SCN8A: variants seen among roughly 807,000 people sequenced by gnomAD.
SCN8A encodes sodium voltage-gated channel alpha subunit 8.
Under a neutral mutation model 184.1 loss-of-function variants are expected in SCN8A, and 30 were observed. The ratio of observed to expected loss-of-function variants is 0.16; its 90% CI spans 0.12 to 0.22. SCN8A has a LOEUF of 0.22. Among genes scored for constraint, SCN8A ranks in the 10% least tolerant of loss-of-function variants. The pLI, the probability that SCN8A is intolerant of heterozygous loss-of-function variation, is 1.00. For missense variants in SCN8A, 1,057 were observed against 2,498.9 expected (o/e 0.42, Z 12.30); for synonymous variants, 852 against 907.0 (o/e 0.94, Z 1.09).
intron 12 of SCN8A, among the ~76,000 whole-genome samples, chr12:51,741,210 T>C (rs1336433248): frequency 6.6e-6 from 1 of 152,252 alleles, no homozygotes; most frequent in Non-Finnish European, 1.5e-5. Flanking sequence ...CATTATGTAC[T>C]AGCGATCTCT....
At chr12:51,625,328 T>C (rs1940055667) in intron 1 of SCN8A, among the ~76,000 whole-genome samples, 1 of 152,244 alleles carries the variant, frequency 6.6e-6, no homozygotes, top group African/African-American at 2.4e-5. Flanking sequence ...GATTCACTCA[T>C]ATTGTTGCAA....
intron 12 of SCN8A, among the ~76,000 whole-genome samples, chr12:51,742,971 C>G (rs145498404): frequency 1.7e-3 from 254 of 152,204 alleles, no homozygotes; most frequent in African/African-American, 5.9e-3. Context: ...TTTCTTCTGT[C>G]TGATCAATTC....
intron 2 of SCN8A, among the ~76,000 whole-genome samples, chr12:51,681,544 G>C (rs2138703675): frequency 6.6e-6 from 1 of 152,338 alleles, no homozygotes; most frequent in East Asian, 1.9e-4. Flanking sequence ...GAGAAGCCAA[G>C]ATATGGAAGA....
intron 1 of SCN8A, among the ~76,000 whole-genome samples, chr12:51,626,856 ATTTAT>A (rs1421171094): frequency 2.7e-5 from 4 of 150,746 alleles, no homozygotes; most frequent in Non-Finnish European, 5.9e-5. Flanking sequence ...ATTAGTATTT[ATTTAT>A]TTATTTAGAT....
chr12:51,610,525 G>A (rs1251216949), intron 1 of SCN8A, among the ~76,000 whole-genome samples: 2 of 152,120 alleles, frequency 1.3e-5, no homozygotes, highest in South Asian at 4.1e-4. Flanking sequence ...CTCTTTTAAT[G>A]TGTTTCCAGG....
chr12:51,749,456 A>T (rs1041348208), intron 13 of SCN8A, among the ~76,000 whole-genome samples: 32 of 152,234 alleles, frequency 2.1e-4, no homozygotes, highest in African/African-American at 7.7e-4. Context: ...GAGATAAAAA[A>T]GGGAACGGAA....
intron 26 of SCN8A, among the ~76,000 whole-genome samples, chr12:51,800,990 G>A (rs1938541517): frequency 1.3e-5 from 2 of 152,170 alleles, no homozygotes; most frequent in African/African-American, 4.8e-5. Flanking sequence ...ATTGGTTGAG[G>A]GGGCATGATT....
intron 1 of SCN8A, among the ~76,000 whole-genome samples, chr12:51,651,707 G>C (rs1940718579): frequency 6.6e-6 from 1 of 152,150 alleles, no homozygotes; most frequent in Admixed American, 6.5e-5. Context: ...AGATTTGGGT[G>C]GGGACACAGC....
intron 6 of SCN8A, 49 bp from the exon 7 acceptor site, chr12:51,699,521 T>TG: frequency 6.9e-7 from 1 of 1,451,982 alleles, no homozygotes; most frequent in Non-Finnish European, 9.4e-7. Flanking sequence ...CTTGGGGAGG[T>TG]GGGGAGGGCT....
chr12:51,662,369 TGGAGCTTTAG>T (rs1940941344), intron 1 of SCN8A, among the ~76,000 whole-genome samples: 3 of 152,028 alleles, frequency 2.0e-5, no homozygotes, highest in African/African-American at 4.8e-5. Context: ...CTTTGGGGAG[TGGAGCTTTAG>T]GAAAGGAAGG....
chr12:51,638,827 C>T (rs767274703), intron 1 of SCN8A, among the ~76,000 whole-genome samples: 1 of 151,886 alleles, frequency 6.6e-6, no homozygotes, highest in Non-Finnish European at 1.5e-5. Flanking sequence ...TTGAGGAGTT[C>T]AGGATGTTCA....
In SCN8A at chr12:51,806,883, C is replaced by T. The variant is rs576751405; in HGVS notation, c.5397C>T (p.Ala1799=). 1.2e-6 allele frequency: 2 copies of T among 1,613,600 alleles called. No homozygotes were observed. Among genetic ancestry groups the T allele is most frequent in the African/African-American group, 2.7e-5 (2 of 75,028 alleles). ...YEIWEKFDPD[A]TQFIEYCKLA... ...TCTGGGAGAAGTTCGACCCCGATGC[C>T]ACCCAGTTCATTGAGTACTGTAAGC... The change falls in exon 27 of 27, where the codon GCC becomes GCT. Residue 1799 remains alanine (A), a synonymous_variant. Transcript: ENST00000627620. The surrounding 1 kb of genome is among the most constrained non-coding windows in gnomAD (Gnocchi z 8.7).
chr12:51,695,650 G>T (rs538546414), intron 6 of SCN8A, among the ~76,000 whole-genome samples: 4 of 152,132 alleles, frequency 2.6e-5, no homozygotes, highest in Non-Finnish European at 4.4e-5. Flanking sequence ...TTCTCTCCAC[G>T]TGTCCATTTC....
At chr12:51,660,562 C>A (rs971458648) in intron 1 of SCN8A, among the ~76,000 whole-genome samples, 1 of 152,180 alleles carries the variant, frequency 6.6e-6, no homozygotes, top group African/African-American at 2.4e-5. Context: ...GGAATTTATT[C>A]TCTAAAAGGT....
intron 13 of SCN8A, among the ~76,000 whole-genome samples, chr12:51,746,691 G>A (rs1177954015): frequency 6.6e-6 from 1 of 152,146 alleles, no homozygotes; most frequent in Non-Finnish European, 1.5e-5. Context: ...CTCTGTGTTA[G>A]GTGGGTTCTC....
chr12:51,699,803 C>T lies in SCN8A; in HGVS notation c.928+12C>T. ...TATCAACAATAAAAGTAGGTGGCCT[C>T]TTCTCTGCAAGAGGAATAGGAAAAG... On this transcript the variant is annotated intron_variant, in intron 7 of 26. Transcript: ENST00000627620. 1.3e-6 allele frequency: 2 copies of T among 1,599,070 alleles called. No individual in the cohort carries two copies. Among genetic ancestry groups the T allele is most frequent in the Non-Finnish European group, 1.7e-6 (2 of 1,169,490 alleles).
intron 1 of SCN8A, among the ~76,000 whole-genome samples, chr12:51,648,805 C>T (rs1417498864): frequency 6.6e-6 from 1 of 152,064 alleles, no homozygotes; most frequent in African/African-American, 2.4e-5. Context: ...CTTATCATTC[C>T]ACCCCTGGCC....
At chr12:51,652,118 A>G (rs1406409177) in intron 1 of SCN8A, among the ~76,000 whole-genome samples, 2 of 152,044 alleles carry the variant, frequency 1.3e-5, no homozygotes, top group Non-Finnish European at 2.9e-5. Flanking sequence ...CCTCAGACTC[A>G]GCATGTTCAA....
At chr12:51,713,597 T>G in intron 11 of SCN8A, 1 of 658,706 alleles carries the variant, frequency 1.5e-6, no homozygotes, top group Non-Finnish European at 2.7e-6. Flanking sequence ...GGCGGTGGTT[T>G]TACCTCCATT....
Sources: allele counts gnomAD v4.1 joint callset (sites outside exome capture counted in the v4.1 genomes callset), GRCh38; gene constraint gnomAD v4.1.1; non-coding constraint Gnocchi (gnomAD v3.1); transcripts MANE v1.5; gene names NCBI Gene and HGNC (gene_info 2026-07-23, HGNC 2026-07-21).